PRKCB: variants seen among roughly 807,000 people sequenced by gnomAD.
PRKCB encodes the protein protein kinase C beta type.
Under a neutral mutation model 81.5 loss-of-function variants are expected in PRKCB, and 13 were observed. That is an observed-to-expected ratio of 0.16 (90% CI 0.10 to 0.25). The LOEUF (loss-of-function observed/expected upper bound fraction) is 0.25. PRKCB is among the 10% of genes least tolerant of loss of function. The probability of loss-of-function intolerance (pLI) is 1.00; values close to 1 mark genes in which losing one functional copy is unlikely to be tolerated. For missense variants in PRKCB, 509 were observed against 875.7 expected (o/e 0.58, Z 5.29); for synonymous variants, 335 against 321.4 (o/e 1.04, Z -0.45).
intron 7 of PRKCB, chr16:24,111,130 T>C (rs753021521): frequency 1.1e-4 from 16 of 152,234 alleles, no homozygotes; most frequent in Non-Finnish European, 2.1e-4. Context: ...CCAGCAAAGA[T>C]ACAGATGCTC....
intron 9 of PRKCB, among the ~76,000 whole-genome samples, chr16:24,126,898 T>C (rs198190): frequency 0.31 from 47,076 of 151,488 alleles, 7,703 homozygotes; most frequent in South Asian, 0.35. Flanking sequence ...CTCAAGTACT[T>C]ATAAGCTCAA....
At chr16:23,983,063 G>GT (rs1964758862) in intron 2 of PRKCB, among the ~76,000 whole-genome samples, 1 of 151,366 alleles carries the variant, frequency 6.6e-6, no homozygotes, top group Middle Eastern at 3.2e-3. Context: ...CTGTTTGAAA[G>GT]TAGGGTCTAG....
intron 10 of PRKCB, among the ~76,000 whole-genome samples, chr16:24,159,174 A>G (rs1317196001): frequency 6.6e-6 from 1 of 152,220 alleles, no homozygotes; most frequent in African/African-American, 2.4e-5. Context: ...AGCCTCTACC[A>G]TGCATGGGTC....
intron 5 of PRKCB, among the ~76,000 whole-genome samples, chr16:24,074,673 T>C (rs947172216): frequency 6.6e-6 from 1 of 152,202 alleles, no homozygotes; most frequent in African/African-American, 2.4e-5. Context: ...AATGACATGA[T>C]AAGATCTGCG....
intron 3 of PRKCB, 23 bp from the exon 4 acceptor site, chr16:24,032,110 CCTT>C: frequency 6.5e-7 from 1 of 1,530,558 alleles, no homozygotes. Flanking sequence ...GACGCTGGCT[CCTT>C]CTGTTGTTTC....
chr16:23,976,612 C>T (rs1363718094), intron 2 of PRKCB, among the ~76,000 whole-genome samples: 1 of 152,204 alleles, frequency 6.6e-6, no homozygotes, highest in African/African-American at 2.4e-5. Flanking sequence ...AGAAACAAGA[C>T]ATGCCACCAC....
intron 3 of PRKCB, among the ~76,000 whole-genome samples, chr16:24,024,510 A>G (rs888393311): frequency 6.6e-6 from 1 of 152,236 alleles, no homozygotes; most frequent in Non-Finnish European, 1.5e-5. Flanking sequence ...TAGGTGATGG[A>G]TATGTTAATT....
chr16:23,912,607 G>A (rs911862221), intron 2 of PRKCB, among the ~76,000 whole-genome samples: 2 of 133,538 alleles, frequency 1.5e-5, no homozygotes, highest in Non-Finnish European at 3.1e-5. Flanking sequence ...CCGCCTCCTG[G>A]GTTCCAGCGA....
At chr16:23,941,840 T>C (rs116460356) in intron 2 of PRKCB, among the ~76,000 whole-genome samples, 4,900 of 152,264 alleles carry the variant, frequency 0.032, 161 homozygotes, top group African/African-American at 0.082. Context: ...TAAGAATAAA[T>C]GAAAGATGGT....
intron 3 of PRKCB, among the ~76,000 whole-genome samples, chr16:24,025,092 T>C (rs902688721): frequency 6.6e-6 from 1 of 152,192 alleles, no homozygotes; most frequent in Non-Finnish European, 1.5e-5. Flanking sequence ...AAATAAGCCG[T>C]AAGAAGTCAA....
intron 5 of PRKCB, among the ~76,000 whole-genome samples, chr16:24,080,816 A>C (rs1476638945): frequency 1.3e-5 from 2 of 152,216 alleles, no homozygotes; most frequent in African/African-American, 4.8e-5. Flanking sequence ...AACACATGAT[A>C]CTTTGTGGAA....
chr16:23,997,894 G>T (rs76962184), intron 3 of PRKCB, among the ~76,000 whole-genome samples: 1 of 152,156 alleles, frequency 6.6e-6, no homozygotes, highest in South Asian at 2.1e-4. Flanking sequence ...AGAAAGGGTG[G>T]ACTTGTGATG....
At chr16:23,956,550 A>G (rs1054662995) in intron 2 of PRKCB, among the ~76,000 whole-genome samples, 18 of 152,226 alleles carry the variant, frequency 1.2e-4, no homozygotes, top group Non-Finnish European at 1.8e-4. Flanking sequence ...GGGGATTTCC[A>G]TAGAACAATT....
At chr16:24,052,333 C>T (rs535868624) in intron 5 of PRKCB, among the ~76,000 whole-genome samples, 4 of 152,196 alleles carry the variant, frequency 2.6e-5, no homozygotes, top group African/African-American at 9.6e-5. Context: ...GTTCACACTC[C>T]GGTTACCAGA....
At chr16:23,875,610 T>TCA in intron 2 of PRKCB, among the ~76,000 whole-genome samples, 1 of 39,286 alleles carries the variant, frequency 2.5e-5, no homozygotes, top group South Asian at 5.5e-4. Flanking sequence ...TGTATGTATA[T>TCA]CACACACATA....
chr16:23,869,255 C>A, intron 2 of PRKCB: 1 of 357,622 alleles, frequency 2.8e-6, no homozygotes, highest in Non-Finnish European at 5.8e-6. Context: ...TGCCACAAGA[C>A]CAAGAAAGGG....
At chr16:23,866,403 T>G (rs1301821133) in intron 2 of PRKCB, among the ~76,000 whole-genome samples, 8 of 152,240 alleles carry the variant, frequency 5.3e-5, no homozygotes, top group Non-Finnish European at 1.2e-4. Context: ...AAGTACAATC[T>G]CATCAGGATA....
At chr16:23,951,380 T>A (rs967375256) in intron 2 of PRKCB, among the ~76,000 whole-genome samples, 8 of 152,266 alleles carry the variant, frequency 5.3e-5, no homozygotes, top group African/African-American at 1.9e-4. Context: ...GCACTTGTAT[T>A]TTTTTCTCTG....
At chr16:23,895,882 G>A (rs1306030024) in intron 2 of PRKCB, among the ~76,000 whole-genome samples, 1 of 152,134 alleles carries the variant, frequency 6.6e-6, no homozygotes, top group Non-Finnish European at 1.5e-5. Context: ...TTTGTCCTAT[G>A]TAATATTTTT....
Sources: gnomAD v4.1 joint callset for allele counts (sites outside exome capture counted in the v4.1 genomes callset) on GRCh38, gnomAD v4.1.1 for gene constraint, MANE v1.5 for transcripts, NCBI Gene and HGNC (gene_info 2026-07-23, HGNC 2026-07-21) for gene names.